DNER: variants seen among roughly 807,000 people sequenced by gnomAD.
DNER encodes delta and Notch-like epidermal growth factor-related receptor.
Under a neutral mutation model 78.2 loss-of-function variants are expected in DNER, and 33 were observed. That is an observed-to-expected ratio of 0.42 (90% confidence interval 0.32 to 0.56). DNER has a LOEUF of 0.56. Ranked by LOEUF, DNER falls within the 20% of genes least tolerant of loss-of-function variation. DNER has a pLI of 0.11. For synonymous variants in DNER, 417 were observed against 384.8 expected (o/e 1.08, Z -0.98); for missense variants, 918 against 975.3 (o/e 0.94, Z 0.78).
chr2:229,515,639 A>ATTTTTTTTTTTTTTT lies in DNER; in HGVS notation c.994-2704_994-2703insAAAAAAAAAAAAAAA, dbSNP rs1162899815. On this transcript the variant is annotated intron_variant, in intron 5 of 12. Transcript: ENST00000341772. ...AATCAAATATCTTCAAGTTAGCTTT[A>ATTTTTTTTTTTTTTT]TTTTTTTATTTTTTTTTTTTTGAGA... Among the ~76,000 whole-genome samples the ATTTTTTTTTTTTTTT allele has an allele frequency of 2.8e-5, 2 of 71,538 alleles. 1 individual carries two copies. The highest frequency in any genetic ancestry group is 7.0e-5 in the Non-Finnish European group (2 of 28,662). 46.9% of individuals were successfully genotyped at this position (71,538 alleles called of 152,430 possible). A position where few individuals can be genotyped will look rare whatever the true frequency, so the allele number is the denominator to read the frequency against.
intron 7 of DNER, among the ~76,000 whole-genome samples, chr2:229,452,979 A>G (rs1000465078): frequency 6.6e-6 from 1 of 152,150 alleles, no homozygotes; most frequent in African/African-American, 2.4e-5. Context: ...CAAATAAAGC[A>G]TATGTATGGG....
intron 8 of DNER, among the ~76,000 whole-genome samples, chr2:229,445,973 A>G (rs960077591): frequency 6.6e-6 from 1 of 152,234 alleles, no homozygotes; most frequent in Non-Finnish European, 1.5e-5. Context: ...TCAAGTGCCA[A>G]ATTGCATTTC....
chr2:229,685,296 G>A (rs1042508130), intron 1 of DNER, among the ~76,000 whole-genome samples: 1 of 113,106 alleles, frequency 8.8e-6, no homozygotes, highest in African/African-American at 3.5e-5. Context: ...TACTTCACAG[G>A]ATCAGTCATC....
chr2:229,521,074 A>C (rs1696086232), intron 5 of DNER, among the ~76,000 whole-genome samples: 1 of 152,232 alleles, frequency 6.6e-6, no homozygotes, highest in Admixed American at 6.5e-5. Flanking sequence ...TACAGAGCCT[A>C]TGAATAAAAA....
chr2:229,415,360 C>A (rs1238709928), intron 9 of DNER, among the ~76,000 whole-genome samples: 2 of 152,140 alleles, frequency 1.3e-5, no homozygotes, highest in African/African-American at 4.8e-5. Context: ...TCAGTCAATA[C>A]CTGGCTTTCA....
rs574367421 is a variant in DNER, at chr2:229,518,958, T to C, written c.994-6022A>G. ...ATGCAAATCATGCGATTACTCTTTT[T>C]TTTTTTTTTATTTTTGATTTGGGCT... On this transcript the variant is annotated intron_variant, in intron 5 of 12. Coordinates refer to ENST00000341772, the MANE Select transcript of DNER (RefSeq NM_139072.4). Among the ~76,000 whole-genome samples, 845 of 151,752 alleles carry C rather than the reference T, an allele frequency of 5.6e-3. 14 individuals are homozygous for C. The highest frequency in any genetic ancestry group is 0.02 in the African/African-American group (811 of 41,294).
chr2:229,432,610 C>T (rs988930771), intron 8 of DNER, among the ~76,000 whole-genome samples: 3 of 152,092 alleles, frequency 2.0e-5, no homozygotes, highest in East Asian at 3.9e-4. Context: ...TTGAGGTATC[C>T]GCACTCATCA....
At chr2:229,707,562 T>C (rs918656476) in intron 1 of DNER, among the ~76,000 whole-genome samples, 4 of 152,162 alleles carry the variant, frequency 2.6e-5, no homozygotes, top group Non-Finnish European at 5.9e-5. Flanking sequence ...TGCCCACAGC[T>C]GCACCCCACT....
chr2:229,427,355 C>T (rs1017090982), intron 8 of DNER, among the ~76,000 whole-genome samples: 1 of 152,168 alleles, frequency 6.6e-6, no homozygotes, highest in East Asian at 1.9e-4. Context: ...CCTCCTTGAT[C>T]GATTCATTCT....
At chr2:229,483,622 A>G (rs1489399542) in intron 6 of DNER, among the ~76,000 whole-genome samples, 1 of 152,160 alleles carries the variant, frequency 6.6e-6, no homozygotes, top group Non-Finnish European at 1.5e-5. Flanking sequence ...TCACAAGGGA[A>G]CGCATACAAA....
intron 7 of DNER, among the ~76,000 whole-genome samples, chr2:229,460,633 A>T (rs1175413741): frequency 6.6e-6 from 1 of 152,106 alleles, no homozygotes; most frequent in Non-Finnish European, 1.5e-5. Context: ...AATTATAGCC[A>T]TCAAATTTGA....
intron 1 of DNER, among the ~76,000 whole-genome samples, chr2:229,636,168 G>T (rs1015515113): frequency 6.6e-6 from 1 of 152,132 alleles, no homozygotes; most frequent in African/African-American, 2.4e-5. Context: ...CGTACTCAGC[G>T]TTTTCCTGAC....
intron 1 of DNER, among the ~76,000 whole-genome samples, chr2:229,641,918 G>C (rs554209216): frequency 6.6e-6 from 1 of 152,110 alleles, no homozygotes; most frequent in Non-Finnish European, 1.5e-5. Context: ...AGACCCTAGA[G>C]GTCTGGCCAA....
intron 1 of DNER, among the ~76,000 whole-genome samples, chr2:229,622,034 C>T (rs181280659): frequency 0.014 from 2,055 of 152,196 alleles, 25 homozygotes; most frequent in Non-Finnish European, 0.021. Context: ...TGCAGTGAGC[C>T]GAGATCGCGC....
At chr2:229,672,232 T>C (rs1699220893) in intron 1 of DNER, among the ~76,000 whole-genome samples, 1 of 152,202 alleles carries the variant, frequency 6.6e-6, no homozygotes, top group Non-Finnish European at 1.5e-5. Flanking sequence ...CCTGGTGTCC[T>C]GTCTGGGGTA....
rs371194088 is a variant in DNER, at chr2:229,703,808, C to T, written c.276+10340G>A. On this transcript the variant is annotated intron_variant, in intron 1 of 12. Coordinates refer to ENST00000341772, the MANE Select transcript of DNER (RefSeq NM_139072.4). ...GGGAGGATTGCTTGAGCCTGGGAGG[C>T]GGAGGTTGCAAGGAGCCGAGATCAC... 9.9e-5 allele frequency among the ~76,000 whole-genome samples: 15 copies of T among 151,384 alleles called. No individual in the cohort carries two copies. The East Asian group carries it at 2.3e-3, about 24-fold the overall frequency.
At chr2:229,525,086 T>C (rs11687667) in intron 5 of DNER, among the ~76,000 whole-genome samples, 7 of 152,194 alleles carry the variant, frequency 4.6e-5, no homozygotes, top group Non-Finnish European at 1.0e-4. Context: ...CCCATGGGGC[T>C]CTTTCACATG....
intron 4 of DNER, among the ~76,000 whole-genome samples, chr2:229,584,622 G>A (rs1018761651): frequency 6.6e-6 from 1 of 152,258 alleles, no homozygotes; most frequent in African/African-American, 2.4e-5. Context: ...TCTCTTTCTG[G>A]CGGCCATTTC....
intron 9 of DNER, among the ~76,000 whole-genome samples, chr2:229,416,494 C>T (rs1693654535): frequency 6.6e-6 from 1 of 152,112 alleles, no homozygotes; most frequent in Non-Finnish European, 1.5e-5. Flanking sequence ...GAGAGGCCTC[C>T]CAGTTTGGTG....
Sources: allele counts gnomAD v4.1 joint callset (sites outside exome capture counted in the v4.1 genomes callset), GRCh38; gene constraint gnomAD v4.1.1; transcripts MANE v1.5; gene names NCBI Gene and HGNC (gene_info 2026-07-23, HGNC 2026-07-21).